Variants in ATAD3B observed in about 807,000 individuals in gnomAD.
The protein encoded by ATAD3B is ATPase family AAA domain containing 3B.
A neutral mutation model predicts 70.2 loss-of-function variants in ATAD3B; 59 were observed. The ratio of observed to expected loss-of-function variants is 0.84; its 90% CI spans 0.68 to 1.04. The LOEUF (loss-of-function observed/expected upper bound fraction) is 1.04. Among genes scored for constraint, ATAD3B ranks in the 50% least tolerant of loss-of-function variants. ATAD3B has a pLI of 0.00. For synonymous variants in ATAD3B, 423 were observed against 388.6 expected, an observed-to-expected ratio of 1.09 and a Z score of -1.04; for missense variants, 961 against 913.4, an observed-to-expected ratio of 1.05 and a Z score of -0.67.
At chr1:1,507,665 T>C in the ATAD3B span, among the ~76,000 whole-genome samples, 1 of 152,226 alleles carries the variant, frequency 6.6e-6, no homozygotes, top group Non-Finnish European at 1.5e-5. Context: ...TTGTGGCATC[T>C]TCATCTGGGT....
intron 13 of ATAD3B, 130 bp downstream of exon 13, chr1:1,489,404 C>G: frequency 6.0e-6 from 9 of 1,491,164 alleles, no homozygotes; most frequent in Non-Finnish European, 7.3e-6. Context: ...CCTCAGATGT[C>G]CCCTGGGAAC....
chr1:1,509,439 C>T, the ATAD3B span: 1 of 1,597,184 alleles, frequency 6.3e-7, no homozygotes, highest in South Asian at 1.1e-5. Flanking sequence ...GGAAATACTC[C>T]CCGTAATAAA....
At position 1,497,660 on chromosome 1, in the gene ATAD3B, T is replaced by G. The variant is rs1377010127; in HGVS notation, c.*1843T>G. 2 of 149,732 alleles carry G rather than the reference T, an allele frequency of 1.3e-5. No individual in the cohort carries two copies. The highest frequency in any genetic ancestry group is 2.5e-5 in the African/African-American group (1 of 40,268). 9.3% of individuals were successfully genotyped at this position (149,732 alleles called of 1,614,324 possible). A position where few individuals can be genotyped will look rare whatever the true frequency, so the allele number is the denominator to read the frequency against. On this transcript the variant is annotated 3_prime_UTR_variant, in exon 16 of 16. Coordinates refer to ENST00000673477, the MANE Select transcript of ATAD3B (RefSeq NM_031921.6). ...GGCGGGTGAATCATGAGGTCAGGAG[T>G]TTGAGACCATCCTGGCTAACGTGGC... is the stretch of plus-strand genomic sequence containing the variant.
At position 1,495,704 on chromosome 1, in the gene ATAD3B, A is replaced by C; in HGVS notation, c.1834A>C (p.Thr612Pro). ...PSYPCLAGPC[T>P]FRICSWMGTG... ...CTACCCCTGCCTTGCCGGCCCCTGC[A>C]CATTTAGGATATGCTCCTGGATGGG... is the stretch of plus-strand genomic sequence containing the variant. Residue 612 changes from threonine to proline, a missense_variant, in exon 16 of 16, where the codon ACA (threonine) becomes CCA (proline). Around this residue, in one of 4 missense-constraint regions of ATAD3B, gnomAD observed 417 missense variants for 335.0 expected, o/e 1.24. Transcript: ENST00000673477. The C allele has an allele frequency of 6.2e-7, 1 of 1,613,222 alleles. No homozygotes were observed. Among genetic ancestry groups the C allele is most frequent in the Non-Finnish European group, 8.5e-7 (1 of 1,179,516 alleles).
chr1:1,493,077 C>G (rs1428786013), intron 15 of ATAD3B, among the ~76,000 whole-genome samples: 7 of 152,030 alleles, frequency 4.6e-5, no homozygotes. Context: ...CGCCACAGCA[C>G]TCCAGTCTGG....
At chr1:1,499,423 G>C (rs1640893948), downstream of ATAD3B, among the ~76,000 whole-genome samples, 1 of 150,304 alleles carries the variant, frequency 6.7e-6, no homozygotes, top group African/African-American at 2.5e-5. Context: ...TTTTAGTAGA[G>C]AGGGGGTTAT....
intron 5 of ATAD3B, 47 bp downstream of exon 5, chr1:1,480,983 T>C (rs1368692906): frequency 6.3e-7 from 1 of 1,580,432 alleles, no homozygotes. Context: ...CGGGGGCTGC[T>C]TGTGGATCCG....
chr1:1,487,414 G>A (rs981601627), intron 11 of ATAD3B, among the ~76,000 whole-genome samples: 2 of 151,540 alleles, frequency 1.3e-5, no homozygotes, highest in Non-Finnish European at 3.0e-5. Context: ...CGTGAACCCG[G>A]GAGGCAGAGC....
chr1:1,488,114 C>T (rs1434193567), intron 12 of ATAD3B, among the ~76,000 whole-genome samples, 200 bp downstream of exon 12: 1 of 152,000 alleles, frequency 6.6e-6, no homozygotes, highest in African/African-American at 2.4e-5. Context: ...GCCACCACAC[C>T]TAGTTAAGTT....
the ATAD3B span, among the ~76,000 whole-genome samples, chr1:1,505,252 G>T: frequency 6.6e-6 from 1 of 152,208 alleles, no homozygotes; most frequent in Non-Finnish European, 1.5e-5. Flanking sequence ...GGCAGCCGAG[G>T]CAGAGAGAGG....
At chr1:1,488,206 C>G (rs868418040) in intron 12 of ATAD3B, among the ~76,000 whole-genome samples, 1 of 151,978 alleles carries the variant, frequency 6.6e-6, no homozygotes, top group Non-Finnish European at 1.5e-5. Flanking sequence ...ATCTGCCCAC[C>G]TGGCCTCCCA....
intron 8 of ATAD3B, 60 bp from the exon 9 acceptor site, chr1:1,485,722 G>C (rs1640172096): frequency 1.4e-5 from 22 of 1,606,568 alleles, no homozygotes; most frequent in South Asian, 1.2e-4. Context: ...TGTGTGCGTT[G>C]GTGGCTGTTC....
intron 1 of ATAD3B, among the ~76,000 whole-genome samples, chr1:1,475,028 C>T (rs1639520755): frequency 6.7e-6 from 1 of 149,082 alleles, no homozygotes; most frequent in Non-Finnish European, 1.5e-5. Context: ...CGGCCCCCTG[C>T]AGTGGTACAG....
chr1:1,501,854 GTTTT>G (rs746199380), downstream of ATAD3B, among the ~76,000 whole-genome samples: 6 of 151,012 alleles, frequency 4.0e-5, no homozygotes, highest in African/African-American at 1.2e-4. Flanking sequence ...CTTTGGGTAA[GTTTT>G]TTTTTGTTTT....
At chr1:1,492,755 T>G (rs1000185539) in intron 15 of ATAD3B, among the ~76,000 whole-genome samples, 14 of 151,804 alleles carry the variant, frequency 9.2e-5, no homozygotes, top group African/African-American at 3.1e-4. Context: ...CTGGACAACA[T>G]GGTGAAACCC....
At position 1,490,441 on chromosome 1, in the gene ATAD3B, A is replaced by G. The variant is rs1480186017; in HGVS notation, c.1505+17A>G. On this transcript the variant is annotated intron_variant, in intron 14 of 15. Transcript: ENST00000673477. The stretch of plus-strand genomic sequence containing the variant: ...AGGAAAACGGTGAGTGTCCCGCCTC[A>G]CCCGGCCCCCAATCCAGGCACCATA... The G allele has an allele frequency of 2.5e-6, 4 of 1,612,552 alleles. No individual in the cohort carries two copies. Among genetic ancestry groups the G allele is most frequent in the Non-Finnish European group, 3.4e-6 (4 of 1,179,372 alleles).
chr1:1,498,841 T>G (rs1237648761), downstream of ATAD3B, among the ~76,000 whole-genome samples: 1 of 151,886 alleles, frequency 6.6e-6, no homozygotes. Context: ...TTAACTTTTC[T>G]CAGCTGCGAA....
chr1:1,490,346 C>CGCA lies in ATAD3B; in HGVS notation c.1432_1434dup (p.Gln478dup), dbSNP rs1640470732. The CGCA allele has an allele frequency of 6.2e-7, 1 of 1,613,290 alleles. No homozygotes were observed. Among genetic ancestry groups the CGCA allele is most frequent in the South Asian group, 1.1e-5 (1 of 91,012 alleles). ...GACGTGATGGTCCACTTCGACCTGCCGCAGCAGGAGGAGCGGGAGCGCCTG... is the reference window on the plus strand; with the variant it reads ...GACGTGATGGTCCACTTCGACCTGCCGCAGCAGCAGGAGGAGCGGGAGCGCCTG... On this transcript the variant is annotated inframe_insertion, in exon 14 of 16. Transcript: ENST00000673477.
chr1:1,494,875 C>T (rs1192060381), intron 15 of ATAD3B, among the ~76,000 whole-genome samples: 8 of 152,002 alleles, frequency 5.3e-5, no homozygotes, highest in South Asian at 4.1e-4. Context: ...GGGGACTCCA[C>T]GCCCTTCGCT....
Sources: gnomAD v4.1 joint callset for allele counts (sites outside exome capture counted in the v4.1 genomes callset) on GRCh38, gnomAD v4.1.1 for gene constraint, gnomAD v4.1.1 regional missense constraint, MANE v1.5 for transcripts, NCBI Gene and HGNC (gene_info 2026-07-23, HGNC 2026-07-21) for gene names.